The following APBB2 variants were observed in gnomAD, a reference collection of about 807,000 sequenced individuals.
APBB2 encodes the protein Fe65-like 1.
In APBB2, 38 loss-of-function variants were observed where a neutral mutation model predicts 82.5. The ratio of observed to expected loss-of-function variants is 0.46; its 90% CI spans 0.36 to 0.60. APBB2 has a LOEUF of 0.60. Among genes scored for constraint, APBB2 ranks in the 20% least tolerant of loss-of-function variants. The pLI is 0.00. For missense variants in APBB2, 772 were observed against 972.3 expected (o/e 0.79, Z 2.74); for synonymous variants, 341 against 368.2 (o/e 0.93, Z 0.85).
At chr4:40,943,927 C>A (rs539819523) in intron 7 of APBB2, among the ~76,000 whole-genome samples, 38 of 152,306 alleles carry the variant, frequency 2.5e-4, no homozygotes, top group African/African-American at 9.1e-4. Context: ...TAAGGCTTAC[C>A]ACCTCCCAGA....
chr4:40,878,388 G>A (rs1476623762), intron 12 of APBB2, among the ~76,000 whole-genome samples: 1 of 152,024 alleles, frequency 6.6e-6, no homozygotes. Flanking sequence ...CAAAATAAAA[G>A]AGAAGCAATC....
At chr4:40,885,813 C>T (rs926475483) in intron 12 of APBB2, among the ~76,000 whole-genome samples, 6 of 152,166 alleles carry the variant, frequency 3.9e-5, no homozygotes, top group African/African-American at 1.4e-4. Flanking sequence ...ACCGAGGAAA[C>T]GGTCCAGCCA....
chr4:41,161,690 T>C (rs1051400183), intron 1 of APBB2, among the ~76,000 whole-genome samples: 1 of 152,210 alleles, frequency 6.6e-6, no homozygotes, highest in African/African-American at 2.4e-5. Context: ...TCTTATTTAC[T>C]CAGGAGAGTA....
intron 1 of APBB2, among the ~76,000 whole-genome samples, chr4:41,192,454 T>C (rs1774723790): frequency 6.6e-6 from 1 of 152,186 alleles, no homozygotes; most frequent in African/African-American, 2.4e-5. Flanking sequence ...AATATTATTC[T>C]GCCTTAAAAA....
At chr4:41,183,635 T>C (rs1157598214) in intron 1 of APBB2, among the ~76,000 whole-genome samples, 2 of 150,536 alleles carry the variant, frequency 1.3e-5, no homozygotes, top group African/African-American at 4.9e-5. Flanking sequence ...CACCAAGAGC[T>C]AGGAGAGAGG....
intron 2 of APBB2, among the ~76,000 whole-genome samples, chr4:41,134,075 G>A (rs1002898182): frequency 2.6e-5 from 4 of 152,054 alleles, no homozygotes; most frequent in African/African-American, 9.7e-5. Flanking sequence ...GGCTCAAGTG[G>A]TCCACCCACC....
intron 12 of APBB2, among the ~76,000 whole-genome samples, chr4:40,835,771 G>A (rs986617110): frequency 2.1e-4 from 32 of 152,220 alleles, no homozygotes; most frequent in African/African-American, 6.5e-4. Context: ...GGGCCACTGC[G>A]GTGGTCCAGC....
chr4:40,842,125 T>C (rs1045898126), intron 12 of APBB2, among the ~76,000 whole-genome samples: 1 of 152,214 alleles, frequency 6.6e-6, no homozygotes, highest in Non-Finnish European at 1.5e-5. Context: ...ACTTAATCAC[T>C]CAGCCCATCA....
chr4:40,887,926 G>T (rs1770798518), intron 12 of APBB2, among the ~76,000 whole-genome samples: 1 of 152,178 alleles, frequency 6.6e-6, no homozygotes, highest in African/African-American at 2.4e-5. Flanking sequence ...AATTCACACT[G>T]ATTTCATCAG....
chr4:41,176,101 G>A (rs1041652606), intron 1 of APBB2, among the ~76,000 whole-genome samples: 2 of 152,058 alleles, frequency 1.3e-5, no homozygotes, highest in African/African-American at 4.8e-5. Context: ...TCCCAGATAA[G>A]AGGGTCTACA....
chr4:41,187,397 A>G (rs1279101153), intron 1 of APBB2, among the ~76,000 whole-genome samples: 2 of 152,220 alleles, frequency 1.3e-5, no homozygotes, highest in Non-Finnish European at 2.9e-5. Context: ...ACACAGTTGT[A>G]CCAATAGGCT....
At chr4:40,949,596 G>A (rs1007679151) in intron 6 of APBB2, among the ~76,000 whole-genome samples, 2 of 151,988 alleles carry the variant, frequency 1.3e-5, no homozygotes, top group Non-Finnish European at 2.9e-5. Context: ...CCAACGAGAC[G>A]AGAGGGAGCA....
At chr4:41,145,941 G>C (rs1760586628) in intron 1 of APBB2, among the ~76,000 whole-genome samples, 1 of 152,150 alleles carries the variant, frequency 6.6e-6, no homozygotes, top group Non-Finnish European at 1.5e-5. Flanking sequence ...TGTAATCCTA[G>C]CACTTTGGGA....
intron 6 of APBB2, among the ~76,000 whole-genome samples, chr4:40,960,729 G>C (rs2154392057): frequency 6.6e-6 from 1 of 152,136 alleles, no homozygotes; most frequent in East Asian, 1.9e-4. Context: ...TTACAGGTGT[G>C]AGCCACCGTG....
chr4:40,950,784 A>C lies in APBB2; in HGVS notation c.836-5711T>G, dbSNP rs189954418. On this transcript the variant is annotated intron_variant, in intron 6 of 17. Transcript: ENST00000508593. ...CTTGAACCCAGGAGGCGGAGGTTGC[A>C]GTGAGCCTAGACTGTGCCATTGCAC... is the stretch of plus-strand genomic sequence containing the variant. 8.5e-3 allele frequency among the ~76,000 whole-genome samples: 1,288 copies of C among 152,272 alleles called. 11 individuals are homozygous for C. The highest frequency in any genetic ancestry group is 0.013 in the Non-Finnish European group (895 of 68,010).
chr4:40,980,654 G>A (rs902989982), intron 6 of APBB2, among the ~76,000 whole-genome samples: 2 of 152,184 alleles, frequency 1.3e-5, no homozygotes, highest in African/African-American at 4.8e-5. Context: ...AAGTTAGATA[G>A]ATCTCTTCTT....
At chr4:41,203,523 T>A (rs1051188517) in intron 1 of APBB2, among the ~76,000 whole-genome samples, 11 of 152,138 alleles carry the variant, frequency 7.2e-5, no homozygotes, top group Non-Finnish European at 1.2e-4. Context: ...CAGGAGGTTT[T>A]CCCCCCTGAA....
At chr4:41,008,121 A>AT (rs1403761782) in intron 6 of APBB2, among the ~76,000 whole-genome samples, 1 of 152,206 alleles carries the variant, frequency 6.6e-6, no homozygotes, top group Non-Finnish European at 1.5e-5. Flanking sequence ...CCTCCAGTTG[A>AT]ACCAGATGAA....
At chr4:40,839,670 CTT>C (rs551355165) in intron 12 of APBB2, among the ~76,000 whole-genome samples, 3 of 144,828 alleles carry the variant, frequency 2.1e-5, no homozygotes. Flanking sequence ...TTTCTTTTTT[CTT>C]TTTTTTTTTT....
Sources: allele counts gnomAD v4.1 joint callset (sites outside exome capture counted in the v4.1 genomes callset), GRCh38; gene constraint gnomAD v4.1.1; transcripts MANE v1.5; gene names NCBI Gene and HGNC (gene_info 2026-07-23, HGNC 2026-07-21).